ETFA: variants seen among roughly 807,000 people sequenced by gnomAD.
The protein encoded by ETFA is electron transfer flavoprotein subunit alpha, also known as electron transfer flavoprotein subunit alpha, mitochondrial.
A neutral mutation model predicts 46.2 loss-of-function variants in ETFA; 22 were observed. The observed-to-expected ratio is 0.48, with a 90% CI of 0.34 to 0.68. The LOEUF (loss-of-function observed/expected upper bound fraction) is 0.68. Ranked by LOEUF, ETFA falls within the 30% of genes least tolerant of loss-of-function variation. The pLI, the probability that ETFA is intolerant of heterozygous loss-of-function variation, is 0.01. For synonymous variants in ETFA, 131 were observed against 139.9 expected (o/e 0.94, Z 0.45); for missense variants, 345 against 401.1 (o/e 0.86, Z 1.19).
chr15:76,279,969 A>C (rs1047876265), intron 8 of ETFA, among the ~76,000 whole-genome samples: 1 of 151,462 alleles, frequency 6.6e-6, no homozygotes, highest in Non-Finnish European at 1.5e-5. Context: ...CACAATCATA[A>C]CACAATACAG....
intron 8 of ETFA, among the ~76,000 whole-genome samples, chr15:76,282,735 TAAAAG>T (rs2039667937): frequency 6.6e-6 from 1 of 152,188 alleles, no homozygotes; most frequent in Admixed American, 6.5e-5. Context: ...GTTAAAGTCT[TAAAAG>T]GAGGGTGAGA....
chr15:76,249,435 ATTTTTTTT>A (rs375408996), intron 9 of ETFA, among the ~76,000 whole-genome samples: 3 of 74,806 alleles, frequency 4.0e-5, no homozygotes, highest in Non-Finnish European at 5.1e-5. Context: ...GTCCATGGTA[ATTTTTTTT>A]TTTTTTTTTT....
intron 8 of ETFA, among the ~76,000 whole-genome samples, chr15:76,277,140 G>A (rs1215162589): frequency 2.0e-5 from 3 of 152,156 alleles, no homozygotes; most frequent in African/African-American, 7.2e-5. Context: ...ACCTCAATAA[G>A]ACCATATTGA....
chr15:76,228,045 G>A (rs2039022796), intron 10 of ETFA: 6 of 449,628 alleles, frequency 1.3e-5, no homozygotes, highest in Non-Finnish European at 2.7e-5. Context: ...TTTCTCTTTT[G>A]GGAATGTGTA....
intron 9 of ETFA, among the ~76,000 whole-genome samples, chr15:76,272,749 C>T (rs1306833399): frequency 6.6e-6 from 1 of 151,066 alleles, no homozygotes; most frequent in Non-Finnish European, 1.5e-5. Context: ...ATGATCATGC[C>T]TGTGACCAAC....
chr15:76,259,301 C>T lies in ETFA; in HGVS notation c.816+15111G>A, dbSNP rs1242056055. The T allele has an allele frequency of 1.1e-5, 18 of 1,585,170 alleles. No homozygotes were observed. The East Asian group carries it at 4.0e-4, about 35-fold the overall frequency. On this transcript the variant is annotated intron_variant, in intron 9 of 11. Coordinates refer to ENST00000557943, the MANE Select transcript of ETFA (RefSeq NM_000126.4). The stretch of plus-strand genomic sequence containing the variant: ...CAGACAGCTGGCCCAGAATGTTCTC[C>T]AGTTCCATTCGCAGACAAGTAAAGC...
chr15:76,250,940 T>C (rs1267235664), intron 9 of ETFA, among the ~76,000 whole-genome samples: 1 of 151,964 alleles, frequency 6.6e-6, no homozygotes, highest in African/African-American at 2.4e-5. Flanking sequence ...AATTCAGGGA[T>C]GAAAACATTA....
chr15:76,237,320 T>C (rs1463723482), intron 9 of ETFA, among the ~76,000 whole-genome samples: 2 of 152,184 alleles, frequency 1.3e-5, no homozygotes. Flanking sequence ...CCCAAAGTGC[T>C]GGGATTACAG....
intron 1 of ETFA, among the ~76,000 whole-genome samples, chr15:76,306,432 A>G (rs1596229779): frequency 6.6e-6 from 1 of 151,732 alleles, no homozygotes; most frequent in East Asian, 1.9e-4. Context: ...ACACCCAGCT[A>G]ATTTTTGTAT....
intron 8 of ETFA, among the ~76,000 whole-genome samples, chr15:76,279,344 C>T (rs1292510384): frequency 6.6e-6 from 1 of 152,022 alleles, no homozygotes; most frequent in East Asian, 1.9e-4. Flanking sequence ...GGCATAATTA[C>T]AGCTCACTGC....
At chr15:76,218,062 T>C (rs563096440) in intron 11 of ETFA, among the ~76,000 whole-genome samples, 2 of 152,348 alleles carry the variant, frequency 1.3e-5, no homozygotes, top group African/African-American at 4.8e-5. Flanking sequence ...ACAGATGACA[T>C]GCTAACTGAG....
rs140162604 is a variant in ETFA at position 76,262,177 on chromosome 15, T to C, written c.816+12235A>G. ...AAAGCATATTAAAATTATACAAGAGTCAGTGACCCTGAAAATGGACCAAAA... is the reference window on the plus strand; with the variant it reads ...AAAGCATATTAAAATTATACAAGAGCCAGTGACCCTGAAAATGGACCAAAA... On this transcript the variant is annotated intron_variant, in intron 9 of 11. Coordinates refer to ENST00000557943, the MANE Select transcript of ETFA (RefSeq NM_000126.4). 1.3e-3 allele frequency among the ~76,000 whole-genome samples: 194 copies of C among 150,760 alleles called. 2 individuals carry two copies. The highest frequency in any genetic ancestry group is 4.2e-3 in the African/African-American group (174 of 41,006).
intron 2 of ETFA, among the ~76,000 whole-genome samples, chr15:76,293,828 G>T (rs2039792368): frequency 6.6e-6 from 1 of 152,232 alleles, no homozygotes; most frequent in Non-Finnish European, 1.5e-5. Context: ...CATACCATTT[G>T]TACTACAGAG....
chr15:76,285,290 T>C (rs1281353918), intron 7 of ETFA, among the ~76,000 whole-genome samples: 1 of 152,224 alleles, frequency 6.6e-6, no homozygotes, highest in Admixed American at 6.5e-5. Flanking sequence ...ATACACAAGA[T>C]GGCCCTGAAA....
At chr15:76,291,422 G>A (rs1393932802) in intron 4 of ETFA, among the ~76,000 whole-genome samples, 1 of 145,690 alleles carries the variant, frequency 6.9e-6, no homozygotes, top group Admixed American at 6.9e-5. Context: ...TCCAGCCTGG[G>A]CGAGGAAAGT....
intron 10 of ETFA, 121 bp downstream of exon 10, chr15:76,231,212 C>A: frequency 4.0e-6 from 3 of 746,950 alleles, no homozygotes; most frequent in Non-Finnish European, 7.4e-6. Flanking sequence ...TTTCAGTTCC[C>A]AGATCTACGT....
chr15:76,272,933 C>A (rs1381487444), intron 9 of ETFA, among the ~76,000 whole-genome samples: 1 of 151,684 alleles, frequency 6.6e-6, no homozygotes, highest in Non-Finnish European at 1.5e-5. Flanking sequence ...AGCAAACAGG[C>A]CACATGATGA....
chr15:76,265,002 G>T (rs910439307), intron 9 of ETFA, among the ~76,000 whole-genome samples: 3 of 152,210 alleles, frequency 2.0e-5, no homozygotes, highest in Admixed American at 1.3e-4. Context: ...AGGAAGAGGG[G>T]CCTGCCTTCG....
At chr15:76,260,554 C>T in intron 9 of ETFA, 1 of 1,488,608 alleles carries the variant, frequency 6.7e-7, no homozygotes, top group Non-Finnish European at 9.3e-7. Flanking sequence ...TTTTGGGGAT[C>T]CCAGCCTGTC....
Sources: gnomAD v4.1 joint callset for allele counts (sites outside exome capture counted in the v4.1 genomes callset) on GRCh38, gnomAD v4.1.1 for gene constraint, MANE v1.5 for transcripts, NCBI Gene and HGNC (gene_info 2026-07-23, HGNC 2026-07-21) for gene names.